The following LIPA variants were observed in gnomAD, a reference collection of about 807,000 sequenced individuals.
The protein encoded by LIPA is lysosomal acid lipase/cholesteryl ester hydrolase.
Under a neutral mutation model 40.6 loss-of-function variants are expected in LIPA, and 26 were observed. The ratio of observed to expected loss-of-function variants is 0.64; its 90% confidence interval spans 0.47 to 0.89. The LOEUF is 0.89. Ranked by LOEUF, LIPA falls within the 40% of genes least tolerant of loss-of-function variation. LIPA has a pLI of 0.00. For missense variants in LIPA, 455 were observed against 479.6 expected (o/e 0.95, Z 0.48); for synonymous variants, 188 against 168.4 (o/e 1.12, Z -0.90).
At chr10:89,335,517 T>C (rs865886637) in intron 1 of LIPA, 2 of 151,212 alleles carry the variant, frequency 1.3e-5, no homozygotes, top group African/African-American at 4.9e-5. Flanking sequence ...CCCTGGTGCA[T>C]TGATATGTCA....
chr10:89,292,904 C>T (rs1395765948), intron 1 of LIPA, among the ~76,000 whole-genome samples: 1 of 151,830 alleles, frequency 6.6e-6, no homozygotes, highest in African/African-American at 2.4e-5. Context: ...CTGCCTCTGC[C>T]CCTCAAAGTG....
At chr10:89,409,898 T>C (rs1841456794) in intron 2 of LIPA, among the ~76,000 whole-genome samples, 1 of 152,236 alleles carries the variant, frequency 6.6e-6, no homozygotes, top group African/African-American at 2.4e-5. Context: ...GAGGAATAAG[T>C]TACCCATTTG....
chr10:89,322,436 G>C (rs2133533328), intron 1 of LIPA, among the ~76,000 whole-genome samples: 1 of 151,270 alleles, frequency 6.6e-6, no homozygotes, highest in South Asian at 2.1e-4. Flanking sequence ...TCCGGGCTCA[G>C]CGTGGATCCA....
intron 1 of LIPA, among the ~76,000 whole-genome samples, chr10:89,270,778 G>A (rs1338759101): frequency 6.6e-6 from 1 of 152,236 alleles, no homozygotes; most frequent in Non-Finnish European, 1.5e-5. Flanking sequence ...GGTGCTCGAA[G>A]TGTCTGTGAC....
At chr10:89,269,111 G>T (rs182899785) in intron 1 of LIPA, among the ~76,000 whole-genome samples, 22 of 151,922 alleles carry the variant, frequency 1.4e-4, no homozygotes, top group Admixed American at 3.9e-4. Context: ...GACCACCTGA[G>T]GTCAAAAGAT....
chr10:89,300,779 G>A (rs1217860146), intron 1 of LIPA, among the ~76,000 whole-genome samples: 1 of 152,040 alleles, frequency 6.6e-6, no homozygotes, highest in Non-Finnish European at 1.5e-5. Flanking sequence ...CTGAGATCAG[G>A]AGTTCGAGAC....
chr10:89,302,378 T>C (rs7910817), intron 1 of LIPA, among the ~76,000 whole-genome samples: 2,569 of 152,190 alleles, frequency 0.017, 39 homozygotes, highest in African/African-American at 0.038. Flanking sequence ...GGGAGTTGAG[T>C]TGCAATCAGA....
intron 1 of LIPA, chr10:89,335,632 A>G (rs889936959): frequency 6.6e-6 from 1 of 151,836 alleles, no homozygotes; most frequent in African/African-American, 2.4e-5. Context: ...CCAACAATAC[A>G]TCCAACATCA....
intron 3 of LIPA, among the ~76,000 whole-genome samples, chr10:89,244,802 T>C (rs543914806): frequency 1.3e-5 from 2 of 152,262 alleles, no homozygotes; most frequent in African/African-American, 4.8e-5. Flanking sequence ...TACAAGAACT[T>C]TCATATATTC....
chr10:89,218,424 AG>A (rs759633758), intron 8 of LIPA, among the ~76,000 whole-genome samples: 13 of 152,234 alleles, frequency 8.5e-5, no homozygotes, highest in Non-Finnish European at 1.3e-4. Flanking sequence ...TGACCCGGAA[AG>A]GCATTTTTAA....
chr10:89,300,037 A>G (rs979019833), intron 1 of LIPA, among the ~76,000 whole-genome samples: 2 of 152,238 alleles, frequency 1.3e-5, no homozygotes, highest in Non-Finnish European at 2.9e-5. Flanking sequence ...CAGTGAACAA[A>G]TGGATAAAGA....
chr10:89,350,800 A>G (rs1475549712), intron 2 of LIPA, among the ~76,000 whole-genome samples: 2 of 152,190 alleles, frequency 1.3e-5, no homozygotes, highest in African/African-American at 2.4e-5. Context: ...ATAGCTAGGG[A>G]AACAGAGTCT....
chr10:89,384,923 G>A (rs1451173973), intron 2 of LIPA: 1 of 569,072 alleles, frequency 1.8e-6, no homozygotes, highest in East Asian at 2.9e-5. Context: ...AAATGATCAG[G>A]AAAGGCCTTG....
chr10:89,261,129 T>TC (rs1453966049), intron 1 of LIPA, among the ~76,000 whole-genome samples: 2 of 152,172 alleles, frequency 1.3e-5, no homozygotes, highest in African/African-American at 4.8e-5. Flanking sequence ...CAGAAATGAC[T>TC]AAGTCCAAGC....
chr10:89,339,305 T>C lies in LIPA; in HGVS notation c.-2+3306A>G, dbSNP rs770813145. The C allele has an allele frequency of 1.9e-5, 31 of 1,613,814 alleles. No homozygotes were observed. In the East Asian group the frequency reaches 6.7e-4, roughly 35 times the overall value. On this transcript the variant is annotated intron_variant, in intron 1 of 5. Transcript: ENST00000282673. ...GTCAAGGTTCTCTTGGGCCTGAAAC[T>C]GCAGAAGATGAATAAAGAAGCTGAA...
chr10:89,382,021 C>CG, intron 2 of LIPA, among the ~76,000 whole-genome samples: 1 of 152,212 alleles, frequency 6.6e-6, no homozygotes, highest in East Asian at 1.9e-4. Flanking sequence ...CTGCCTACCT[C>CG]GGCCTCCCAA....
intron 1 of LIPA, among the ~76,000 whole-genome samples, chr10:89,248,311 G>T (rs1843060078): frequency 6.6e-6 from 1 of 150,944 alleles, no homozygotes; most frequent in South Asian, 2.1e-4. Context: ...ACAGGTGCAG[G>T]CCACCATGCC....
intron 6 of LIPA, among the ~76,000 whole-genome samples, 183 bp downstream of exon 6, chr10:89,224,909 G>A (rs1264430987): frequency 1.2e-4 from 19 of 152,182 alleles, no homozygotes; most frequent in Admixed American, 1.2e-3. Context: ...TGCAGGAAAC[G>A]ACAGGCGTCC....
At chr10:89,383,147 A>G (rs1332881753) in intron 2 of LIPA, among the ~76,000 whole-genome samples, 2 of 152,210 alleles carry the variant, frequency 1.3e-5, no homozygotes, top group Non-Finnish European at 2.9e-5. Flanking sequence ...CTTGGTTTTT[A>G]TGTCAACCTG....
Sources: gnomAD v4.1 joint callset for allele counts (sites outside exome capture counted in the v4.1 genomes callset) on GRCh38, gnomAD v4.1.1 for gene constraint, MANE v1.5 for transcripts, NCBI Gene and HGNC (gene_info 2026-07-23, HGNC 2026-07-21) for gene names.